Variants in ODF2L observed in about 807,000 individuals in gnomAD.
ODF2L encodes outer dense fiber of sperm tails 2 like, also known as protein BCAP.
ODF2L carries 76 observed loss-of-function variants against 86.3 expected under a neutral mutation model. The ratio of observed to expected loss-of-function variants is 0.88; its 90% confidence interval spans 0.73 to 1.07. ODF2L has a LOEUF of 1.07. Among genes scored for constraint, ODF2L ranks in the 50% least tolerant of loss-of-function variants. The probability of loss-of-function intolerance (pLI) is 0.00; values close to 1 mark genes in which losing one functional copy is unlikely to be tolerated. For synonymous variants in ODF2L, 241 were observed against 231.3 expected (o/e 1.04, Z -0.38); for missense variants, 748 against 717.4 (o/e 1.04, Z -0.49).
intron 1 of ODF2L, among the ~76,000 whole-genome samples, chr1:86,389,581 C>T (rs1053418944): frequency 3.0e-5 from 4 of 132,158 alleles, no homozygotes; most frequent in African/African-American, 1.1e-4. Flanking sequence ...AAAAAAAATA[C>T]AAAAGATAAA....
intron 11 of ODF2L, among the ~76,000 whole-genome samples, chr1:86,367,158 G>A (rs1659496792): frequency 6.6e-6 from 1 of 152,120 alleles, no homozygotes; most frequent in Admixed American, 6.5e-5. Flanking sequence ...TCTGACTTAT[G>A]GAAAACCATG....
At chr1:86,387,538 T>TACTC (rs1661039033) in intron 1 of ODF2L, among the ~76,000 whole-genome samples, 1 of 152,204 alleles carries the variant, frequency 6.6e-6, no homozygotes, top group African/African-American at 2.4e-5. Context: ...AAGGATAGGA[T>TACTC]ACTCAATTGC....
chr1:86,359,395 C>G (rs1658851075), intron 12 of ODF2L, among the ~76,000 whole-genome samples: 1 of 152,142 alleles, frequency 6.6e-6, no homozygotes, highest in Admixed American at 6.5e-5. Context: ...CTACCTCAGA[C>G]CTGGATGACT....
At chr1:86,371,765 G>T (rs1438905653) in intron 9 of ODF2L, among the ~76,000 whole-genome samples, 1 of 151,988 alleles carries the variant, frequency 6.6e-6, no homozygotes, top group African/African-American at 2.4e-5. Flanking sequence ...TAAACTTTTA[G>T]ATATATTTTC....
intron 12 of ODF2L, 48 bp from the exon 12 acceptor site, chr1:86,358,939 T>C: frequency 1.1e-6 from 1 of 902,568 alleles, no homozygotes; most frequent in Non-Finnish European, 1.6e-6. Context: ...AATCATAACA[T>C]GAGATAAAAA....
chr1:86,361,426 G>A (rs772715433), intron 11 of ODF2L, among the ~76,000 whole-genome samples: 1 of 152,128 alleles, frequency 6.6e-6, no homozygotes. Flanking sequence ...GGGAGACACG[G>A]TTACCATATT....
At position 86,374,014 on chromosome 1, in the gene ODF2L, C is replaced by A. The variant is rs144684720; in HGVS notation, c.811-1474G>T. 6.6e-5 allele frequency among the ~76,000 whole-genome samples: 10 copies of A among 152,230 alleles called. No homozygotes were observed. The East Asian group carries it at 1.7e-3, about 26-fold the overall frequency. Reference sequence around the variant, plus strand: ...TAAAGAGCTGTAGCCACTGTGCCTCCGCTCTACATTCTACATAAAAACACA... The same window carrying A: ...TAAAGAGCTGTAGCCACTGTGCCTCAGCTCTACATTCTACATAAAAACACA... On this transcript the variant is annotated intron_variant, in intron 8 of 17. Transcript: ENST00000317336.
intron 7 of ODF2L, among the ~76,000 whole-genome samples, chr1:86,380,539 T>C (rs1044685070): frequency 2.6e-5 from 4 of 152,150 alleles, no homozygotes; most frequent in Non-Finnish European, 4.4e-5. Flanking sequence ...ATTTTCTTTT[T>C]GAACATAGTT....
Position 86,376,420 on chromosome 1 carries a change from TAA to T in ODF2L, c.625-4_625-3del, listed in dbSNP as rs374300574. On this transcript the variant is annotated splice_region_variant and splice_polypyrimidine_tract_variant and intron_variant, in intron 7 of 17. Coordinates refer to ENST00000317336, the Ensembl canonical transcript of ODF2L. ...CTTGGCTATCTTGGTTTCTAAGCTC[TAA>T]AAAAAAAATTAGCAACAATTAAATT... is the stretch of plus-strand genomic sequence containing the variant. 9.2e-6 allele frequency: 13 copies of T among 1,415,928 alleles called. No homozygotes were observed. The highest frequency in any genetic ancestry group is 1.0e-5 in the Non-Finnish European group (11 of 1,051,264). 87.7% of individuals were successfully genotyped at this position (1,415,928 alleles called of 1,614,324 possible). A position where few individuals can be genotyped will look rare whatever the true frequency, so the allele number is the denominator to read the frequency against.
chr1:86,386,641 T>C, intron 2 of ODF2L: 1 of 326,048 alleles, frequency 3.1e-6, no homozygotes, highest in South Asian at 1.4e-4. Flanking sequence ...ACCTGCCTCA[T>C]CCTCCCAAAG....
intron 1 of ODF2L, among the ~76,000 whole-genome samples, chr1:86,393,016 C>T (rs200343118): frequency 6.6e-6 from 1 of 152,096 alleles, no homozygotes; most frequent in Non-Finnish European, 1.5e-5. Context: ...TCCACTGTGG[C>T]CAACAGCAAG....
intron 11 of ODF2L, among the ~76,000 whole-genome samples, chr1:86,362,413 C>G (rs1324178663): frequency 2.6e-5 from 4 of 151,948 alleles, no homozygotes; most frequent in African/African-American, 9.7e-5. Flanking sequence ...CCCACCTCAG[C>G]CTCCCAAGTA....
exon 4 of ODF2L, chr1:86,384,750 T>C: frequency 6.5e-7 from 1 of 1,529,520 alleles, no homozygotes; most frequent in Non-Finnish European, 8.8e-7. Flanking sequence ...AATTCTTTTA[T>C]TAATATTTCC....
intron 1 of ODF2L, among the ~76,000 whole-genome samples, chr1:86,387,465 T>C (rs1661035150): frequency 6.6e-6 from 1 of 152,198 alleles, no homozygotes; most frequent in African/African-American, 2.4e-5. Context: ...AAGAAATGTA[T>C]GTTATTTATG....
chr1:86,394,394 A>T (rs2101617925), intron 1 of ODF2L, among the ~76,000 whole-genome samples: 1 of 147,326 alleles, frequency 6.8e-6, no homozygotes, highest in Non-Finnish European at 1.5e-5. Flanking sequence ...CCACTGCGGC[A>T]GAGCGAGACT....
exon 18 of ODF2L, chr1:86,350,958 A>C: frequency 6.6e-6 from 1 of 151,484 alleles, no homozygotes; most frequent in African/African-American, 2.4e-5. Flanking sequence ...TTTTCTTGTA[A>C]ATTTGTTTAA....
intron 2 of ODF2L, 90 bp downstream of exon 2, chr1:86,386,825 C>T (rs1405771370): frequency 4.7e-6 from 3 of 633,732 alleles, no homozygotes; most frequent in Non-Finnish European, 8.3e-6. Context: ...TAAAAGAATG[C>T]TGTATTTGAT....
chr1:86,380,888 A>C (rs1304696429), intron 7 of ODF2L, among the ~76,000 whole-genome samples: 1 of 152,012 alleles, frequency 6.6e-6, no homozygotes, highest in African/African-American at 2.4e-5. Flanking sequence ...GACTCAATAC[A>C]ACAAATTACT....
At chr1:86,351,007 GGATA>G in exon 18 of ODF2L, 1 of 152,098 alleles carries the variant, frequency 6.6e-6, no homozygotes, top group African/African-American at 2.4e-5. Context: ...TTTGTCAGAT[GGATA>G]GATTGCAAAA....
Sources: gnomAD v4.1 joint callset for allele counts (sites outside exome capture counted in the v4.1 genomes callset) on GRCh38, gnomAD v4.1.1 for gene constraint, MANE v1.5 for transcripts, NCBI Gene and HGNC (gene_info 2026-07-23, HGNC 2026-07-21) for gene names.